Variants in PIEZO2 observed in about 807,000 individuals in gnomAD.
PIEZO2 encodes the protein piezo type mechanosensitive ion channel component 2.
Under a neutral mutation model 337.3 loss-of-function variants are expected in PIEZO2, and 172 were observed. The observed-to-expected ratio is 0.51, with a 90% CI of 0.45 to 0.58. PIEZO2 has a LOEUF of 0.58. PIEZO2 is among the 20% of genes least tolerant of loss of function. The pLI is 0.00. For synonymous variants in PIEZO2, 1,251 were observed against 1,228.5 expected, an observed-to-expected ratio of 1.02 and a Z score of -0.38; for missense variants, 3,028 against 3,391.3, an observed-to-expected ratio of 0.89 and a Z score of 2.66.
At chr18:11,042,185 A>T (rs1301233963) in intron 2 of PIEZO2, among the ~76,000 whole-genome samples, 1 of 152,174 alleles carries the variant, frequency 6.6e-6, no homozygotes, top group Non-Finnish European at 1.5e-5. Context: ...TGCCAATGAA[A>T]AACACTAAGA....
chr18:11,074,488 C>A (rs2038460955), intron 1 of PIEZO2, among the ~76,000 whole-genome samples: 1 of 152,172 alleles, frequency 6.6e-6, no homozygotes, highest in South Asian at 2.1e-4. Context: ...AACAAAAGAC[C>A]TTTCCAGGCC....
At chr18:10,876,362 C>T (rs1045209249) in intron 4 of PIEZO2, among the ~76,000 whole-genome samples, 2 of 152,194 alleles carry the variant, frequency 1.3e-5, no homozygotes, top group African/African-American at 2.4e-5. Context: ...TCTTCTAAGA[C>T]TATTACATGT....
intron 36 of PIEZO2, among the ~76,000 whole-genome samples, chr18:10,725,995 A>T (rs1340101191): frequency 6.6e-6 from 1 of 152,170 alleles, no homozygotes; most frequent in African/African-American, 2.4e-5. Context: ...TTTTTACCGA[A>T]GGCATCAGCG....
At chr18:11,075,938 C>T (rs191435650) in intron 1 of PIEZO2, among the ~76,000 whole-genome samples, 28 of 152,008 alleles carry the variant, frequency 1.8e-4, no homozygotes, top group Admixed American at 1.3e-3. Context: ...TACAGGTGCC[C>T]GCCACCATGC....
At chr18:11,144,952 G>T (rs1282796167) in intron 1 of PIEZO2, among the ~76,000 whole-genome samples, 1 of 152,180 alleles carries the variant, frequency 6.6e-6, no homozygotes, top group Non-Finnish European at 1.5e-5. Flanking sequence ...ATACACCAGT[G>T]CATTCTTGAC....
intron 1 of PIEZO2, among the ~76,000 whole-genome samples, chr18:11,074,080 T>G (rs910684792): frequency 2.0e-5 from 3 of 152,068 alleles, no homozygotes; most frequent in African/African-American, 7.2e-5. Flanking sequence ...ACTTCTGACC[T>G]CAAGATCCGC....
At chr18:10,737,298 C>CCAAAAAA (rs2037043502) in intron 33 of PIEZO2, among the ~76,000 whole-genome samples, 1 of 104,574 alleles carries the variant, frequency 9.6e-6, no homozygotes, top group African/African-American at 4.1e-5. Context: ...AAAAAAAAAA[C>CCAAAAAA]AAAAAAACAC....
chr18:11,147,497 C>T (rs2040839969), intron 1 of PIEZO2, among the ~76,000 whole-genome samples: 1 of 152,220 alleles, frequency 6.6e-6, no homozygotes, highest in Admixed American at 6.5e-5. Context: ...GTGTGATCAA[C>T]CTCGGTCAAG....
At position 10,746,134 on chromosome 18, in the gene PIEZO2, T is replaced by C. The variant is rs144916762; in HGVS notation, c.4425-1903A>G. On this transcript the variant is annotated intron_variant, in intron 30 of 55. Transcript: ENST00000674853. The surrounding 1 kb of genome is among the most constrained non-coding windows in gnomAD (Gnocchi z 4.2). ...GCAGCTGCTTAGCTGTCTCTCTGCC[T>C]ACAGCGCTGCCTATACCCATCTATT... 2.0e-5 allele frequency among the ~76,000 whole-genome samples: 3 copies of C among 152,328 alleles called. No homozygotes were observed. In the East Asian group the frequency reaches 5.8e-4, roughly 29 times the overall value.
At chr18:11,037,305 A>G (rs1339614672) in intron 2 of PIEZO2, among the ~76,000 whole-genome samples, 1 of 152,254 alleles carries the variant, frequency 6.6e-6, no homozygotes, top group Non-Finnish European at 1.5e-5. Context: ...ATCCCAACTT[A>G]AAAGATGTAT....
Position 10,862,330 on chromosome 18 carries a change from CT to C in PIEZO2, c.493-5120del, listed in dbSNP as rs567061768. Among the ~76,000 whole-genome samples the C allele has an allele frequency of 5.8e-4, 88 of 151,786 alleles. No homozygotes were observed. The highest frequency in any genetic ancestry group is 1.3e-3 in the Admixed American group (20 of 15,246). Reference sequence around the variant, plus strand: ...AGATCTCTCATTTCACATAAGGAAACTTTAGGTGCTATGGAATCAACTTTAC... The same window carrying C: ...AGATCTCTCATTTCACATAAGGAAACTTAGGTGCTATGGAATCAACTTTAC... On this transcript the variant is annotated intron_variant, in intron 5 of 55. Coordinates refer to ENST00000674853, the MANE Select transcript of PIEZO2 (RefSeq NM_001378183.1). The surrounding 1 kb of genome is among the most constrained non-coding windows in gnomAD (Gnocchi z 4.4).
At chr18:11,079,617 C>A (rs72874243) in intron 1 of PIEZO2, among the ~76,000 whole-genome samples, 13,071 of 152,228 alleles carry the variant, frequency 0.086, 592 homozygotes, top group Middle Eastern at 0.14. Context: ...TTTCTGCACA[C>A]AGTAAGCATT....
chr18:10,986,139 T>C (rs1307306264), intron 2 of PIEZO2, among the ~76,000 whole-genome samples: 1 of 152,020 alleles, frequency 6.6e-6, no homozygotes, highest in African/African-American at 2.4e-5. Context: ...GCTTCACTGT[T>C]GAACTCTACC....
chr18:11,137,914 G>A (rs113468639), intron 1 of PIEZO2, among the ~76,000 whole-genome samples: 16 of 152,164 alleles, frequency 1.1e-4, no homozygotes, highest in Non-Finnish European at 2.9e-5. Context: ...TCAAGGATGT[G>A]ACTTAAGTTT....
chr18:10,914,388 G>A (rs2030757764), intron 3 of PIEZO2, among the ~76,000 whole-genome samples: 17 of 151,930 alleles, frequency 1.1e-4, no homozygotes, highest in Admixed American at 1.1e-3. Flanking sequence ...CAGGACCCCT[G>A]TGGACCCCAA....
intron 20 of PIEZO2, among the ~76,000 whole-genome samples, chr18:10,770,939 C>A (rs561497031): frequency 1.3e-5 from 2 of 152,226 alleles, no homozygotes; most frequent in East Asian, 3.9e-4. Context: ...TCATGTTGGC[C>A]AGGCTGGTCT....
intron 1 of PIEZO2, among the ~76,000 whole-genome samples, chr18:11,085,918 T>C (rs541278236): frequency 2.6e-5 from 4 of 151,388 alleles, no homozygotes; most frequent in African/African-American, 9.7e-5. Context: ...ATGGAAACCC[T>C]AATGGTACAT....
intron 3 of PIEZO2, among the ~76,000 whole-genome samples, chr18:10,971,966 A>C (rs1463244623): frequency 6.6e-6 from 1 of 152,094 alleles, no homozygotes; most frequent in African/African-American, 2.4e-5. Flanking sequence ...CGATAGTGAA[A>C]GCCAACACTT....
Position 10,938,782 on chromosome 18 carries a change from A to G in PIEZO2, c.287-27554T>C, listed in dbSNP as rs376553888. On this transcript the variant is annotated intron_variant, in intron 3 of 55. Transcript: ENST00000674853. ...AGATAACTAGGTAACAATTATTCAC[A>G]CTTTAAAAGTAAGTTTACATTAGGC... Among the ~76,000 whole-genome samples, 41 of 152,334 alleles carry G rather than the reference A, an allele frequency of 2.7e-4. 1 individual carries two copies. Among genetic ancestry groups the G allele is most frequent in the African/African-American group, 9.4e-4 (39 of 41,572 alleles).
Sources: gnomAD v4.1 joint callset for allele counts (sites outside exome capture counted in the v4.1 genomes callset) on GRCh38, gnomAD v4.1.1 for gene constraint, Gnocchi (gnomAD v3.1) non-coding constraint, MANE v1.5 for transcripts, NCBI Gene and HGNC (gene_info 2026-07-23, HGNC 2026-07-21) for gene names.